DOCK8: variants seen among roughly 807,000 people sequenced by gnomAD.
DOCK8 encodes dedicator of cytokinesis 8.
A neutral mutation model predicts 245.6 loss-of-function variants in DOCK8; 141 were observed. That is an observed-to-expected ratio of 0.57 (90% CI 0.50 to 0.66). The LOEUF (loss-of-function observed/expected upper bound fraction) is 0.66, where lower values mean the gene tolerates loss of function less well. Among genes scored for constraint, DOCK8 ranks in the 30% least tolerant of loss-of-function variants. The probability of loss-of-function intolerance (pLI) is 0.00; values close to 1 mark genes in which losing one functional copy is unlikely to be tolerated. For missense variants in DOCK8, 2,965 were observed against 2,603.4 expected, an observed-to-expected ratio of 1.14 and a Z score of -3.02; for synonymous variants, 1,168 against 970.2, an observed-to-expected ratio of 1.20 and a Z score of -3.79.
chr9:279,309 A>C (rs558597619), intron 2 of DOCK8, among the ~76,000 whole-genome samples: 4 of 152,206 alleles, frequency 2.6e-5, no homozygotes, highest in African/African-American at 9.6e-5. Context: ...TTGAGGTGTA[A>C]TTGGAAAAGT....
chr9:364,187 C>A (rs2052867788), intron 14 of DOCK8, among the ~76,000 whole-genome samples: 1 of 151,954 alleles, frequency 6.6e-6, no homozygotes, highest in Admixed American at 6.6e-5. Flanking sequence ...TAGAGGAGAC[C>A]AGTATATATT....
chr9:340,269 G>A lies in DOCK8; in HGVS notation c.1627G>A (p.Glu543Lys), dbSNP rs2051518376. The part of the protein sequence containing the change: ...FPENRTRPHK[E>K]ILEFPTREVY... ...TGAAAACCGGACACGCCCGCACAAA[G>A]AGATTTTGGAATTTCCAACACGAGA... The change falls in exon 14 of 48, where the codon GAG becomes AAG. Residue 543 changes from glutamate (E) to lysine (K), a missense_variant. Glu to Lys is a moderately conservative substitution (Grantham distance 56). Transcript: ENST00000432829. 1 of 1,614,136 alleles carries A rather than the reference G, an allele frequency of 6.2e-7. No individual in the cohort carries two copies. The highest frequency in any genetic ancestry group is 2.2e-5 in the East Asian group (1 of 44,884).
At chr9:283,930 T>A (rs906201836) in intron 2 of DOCK8, among the ~76,000 whole-genome samples, 1 of 152,184 alleles carries the variant, frequency 6.6e-6, no homozygotes, top group Non-Finnish European at 1.5e-5. Flanking sequence ...AAACACCAAT[T>A]GAACTCAATT....
At chr9:231,125 G>A (rs1484016956) in intron 1 of DOCK8, among the ~76,000 whole-genome samples, 8 of 152,184 alleles carry the variant, frequency 5.3e-5, no homozygotes, top group East Asian at 1.9e-4. Context: ...CATATGGCTA[G>A]CCAGTTTTCC....
intron 1 of DOCK8, among the ~76,000 whole-genome samples, chr9:246,256 C>T (rs2047503812): frequency 6.6e-6 from 1 of 151,942 alleles, no homozygotes. Flanking sequence ...TGTGGTTGCT[C>T]ATGCCTATAA....
intron 14 of DOCK8, among the ~76,000 whole-genome samples, chr9:342,609 A>G (rs1026571728): frequency 5.3e-5 from 8 of 152,066 alleles, no homozygotes; most frequent in African/African-American, 1.9e-4. Flanking sequence ...AGCTGGGACT[A>G]CAGGTGCCTG....
intron 17 of DOCK8, 85 bp downstream of exon 17, chr9:371,651 C>A: frequency 6.4e-7 from 1 of 1,571,030 alleles, no homozygotes; most frequent in South Asian, 1.1e-5. Flanking sequence ...AAATTCTATT[C>A]ACTTGATTTT....
Position 383,068 on chromosome 9 carries a change from G to A in DOCK8, c.2778+383G>A, listed in dbSNP as rs565120304. Reference sequence around the variant, plus strand: ...TGTTTCTTTAATACCTACCTCTTACGTTCATTAACATCCACAGATTGATTA... The same window carrying A: ...TGTTTCTTTAATACCTACCTCTTACATTCATTAACATCCACAGATTGATTA... On this transcript the variant is annotated intron_variant, in intron 22 of 47. Transcript: ENST00000432829. Among the ~76,000 whole-genome samples the A allele has an allele frequency of 3.9e-4, 15 of 38,428 alleles. No homozygotes were observed. The South Asian group carries it at 7.1e-3, about 18-fold the overall frequency. 25.2% of individuals were successfully genotyped at this position (38,428 alleles called of 152,430 possible).
At chr9:420,375 C>A in intron 30 of DOCK8, 26 bp from the exon 31 acceptor site, 1 of 1,613,906 alleles carries the variant, frequency 6.2e-7, no homozygotes, top group South Asian at 1.1e-5. Flanking sequence ...TCCCTGGCCT[C>A]CATCCCCCAA....
intron 1 of DOCK8, among the ~76,000 whole-genome samples, chr9:249,487 G>C (rs1373816136): frequency 2.0e-5 from 3 of 152,106 alleles, no homozygotes; most frequent in Non-Finnish European, 4.4e-5. Flanking sequence ...TAGTTGGTTA[G>C]ACTGCATCAC....
chr9:434,726 G>A, intron 38 of DOCK8, 57 bp from the exon 39 acceptor site: 1 of 1,573,560 alleles, frequency 6.4e-7, no homozygotes, highest in Non-Finnish European at 8.7e-7. Context: ...CAAAGTAGAA[G>A]AACAGTGTCA....
At chr9:267,800 A>G (rs1006604151) in intron 1 of DOCK8, among the ~76,000 whole-genome samples, 8 of 152,170 alleles carry the variant, frequency 5.3e-5, no homozygotes, top group Admixed American at 1.3e-4. Context: ...GTTCTTTCCA[A>G]TGTGGGATGC....
chr9:449,792 G>C lies in DOCK8; in HGVS notation c.5826G>C (p.Leu1942Phe). Reference protein sequence around the residue: ...ISVIQKEEFVLTPIEVAIEDM... With the variant: ...ISVIQKEEFVFTPIEVAIEDM... Reference sequence around the variant, plus strand: ...TTACGTCTCATGTTCAGTTTGTTTTGACACCGATTGAAGTTGCCATTGAAG... The same window carrying C: ...TTACGTCTCATGTTCAGTTTGTTTTCACACCGATTGAAGTTGCCATTGAAG... The change falls in exon 45 of 48, where the codon TTG becomes TTC. Residue 1942 changes from leucine to phenylalanine, a missense_variant. By Grantham distance (22) the Leu-to-Phe change is conservative. This residue lies in a region of DOCK8 where 2,825 missense variants were observed against 2,453.5 expected (regional missense o/e 1.15). Coordinates refer to ENST00000432829, the MANE Select transcript of DOCK8 (RefSeq NM_203447.4). 6.2e-7 allele frequency: 1 copy of C among 1,612,704 alleles called. No homozygotes were observed. The highest frequency in any genetic ancestry group is 1.1e-5 in the South Asian group (1 of 90,990).
At chr9:215,505 A>G in intron 1 of DOCK8, 1 of 1,424,566 alleles carries the variant, frequency 7.0e-7, no homozygotes, top group Non-Finnish European at 9.2e-7. Flanking sequence ...GTCCTGAGCA[A>G]GGCTCCGTCC....
Position 441,349 on chromosome 9 carries a change from C to T in DOCK8, c.5287C>T (p.Arg1763Ter), listed in dbSNP as rs1564072946. 2 of 1,614,184 alleles carry T rather than the reference C, an allele frequency of 1.2e-6. No homozygotes were observed. Among genetic ancestry groups the T allele is most frequent in the Non-Finnish European group, 1.7e-6 (2 of 1,180,046 alleles). Reference sequence around the variant, plus strand: ...GGTCATCCCCATCCTAGAAGCGCATCGAGAATTCCGGAAGCTGACACTCAC... The same window carrying T: ...GGTCATCCCCATCCTAGAAGCGCATTGAGAATTCCGGAAGCTGACACTCAC... ...KLVIPILEAH[R>*]EFRKLTLTHS... The change falls in exon 41 of 48, where the codon CGA (arginine) becomes TGA (stop). Residue 1763 changes from arginine to a stop codon, truncating the protein, a stop_gained. Coordinates refer to ENST00000432829, the MANE Select transcript of DOCK8 (RefSeq NM_203447.4). LOFTEE classifies it high-confidence loss of function.
At chr9:362,434 A>G (rs73641529) in intron 14 of DOCK8, among the ~76,000 whole-genome samples, 6,695 of 152,234 alleles carry the variant, frequency 0.044, 207 homozygotes, top group African/African-American at 0.073. Context: ...CTGGAAGCCC[A>G]CTTGCCTTAA....
intron 2 of DOCK8, among the ~76,000 whole-genome samples, chr9:283,818 A>T (rs926154552): frequency 2.6e-5 from 4 of 152,240 alleles, no homozygotes; most frequent in African/African-American, 9.6e-5. Context: ...TAAGGTGTAT[A>T]TGAAACATAA....
At chr9:297,217 G>A (rs576296956) in intron 4 of DOCK8, among the ~76,000 whole-genome samples, 16 of 152,312 alleles carry the variant, frequency 1.1e-4, no homozygotes, top group African/African-American at 3.6e-4. Flanking sequence ...CTCAAAATGA[G>A]CAACATTTCC....
chr9:440,239 C>G (rs1483427127), intron 40 of DOCK8, among the ~76,000 whole-genome samples: 4 of 152,176 alleles, frequency 2.6e-5, no homozygotes, highest in African/African-American at 9.6e-5. Flanking sequence ...AGGCTGGTCT[C>G]AAACTCCTGG....
Sources: allele counts gnomAD v4.1 joint callset (sites outside exome capture counted in the v4.1 genomes callset), GRCh38; gene constraint gnomAD v4.1.1; regional missense constraint gnomAD v4.1.1; transcripts MANE v1.5; gene names NCBI Gene and HGNC (gene_info 2026-07-23, HGNC 2026-07-21).